ACYP2: variants seen among roughly 807,000 people sequenced by gnomAD.
ACYP2 encodes the protein acylphosphatase 2.
A neutral mutation model predicts 11.2 loss-of-function variants in ACYP2; 12 were observed. The observed-to-expected ratio is 1.08, with a 90% CI of 0.69 to 1.74. The LOEUF is 1.74. Among genes scored for constraint, ACYP2 ranks in the 40% most tolerant of loss-of-function variants. ACYP2 has a pLI of 0.00. For missense variants in ACYP2, 134 were observed against 101.9 expected (o/e 1.31, Z -1.35); for synonymous variants, 43 against 32.2 (o/e 1.33, Z -1.13).
chr2:54,099,067 C>T (rs1037981467), intron 4 of ACYP2, among the ~76,000 whole-genome samples: 6 of 152,142 alleles, frequency 3.9e-5, no homozygotes. Context: ...TTTGGTGTTC[C>T]ATCAACCAAG....
At chr2:54,265,377 G>T (rs2104059065) in intron 6 of ACYP2, among the ~76,000 whole-genome samples, 1 of 152,258 alleles carries the variant, frequency 6.6e-6, no homozygotes, top group South Asian at 2.1e-4. Context: ...CACAAGAATA[G>T]CATGGGAAAG....
intron 6 of ACYP2, among the ~76,000 whole-genome samples, chr2:54,171,231 A>C (rs1278322287): frequency 6.6e-6 from 1 of 152,198 alleles, no homozygotes; most frequent in East Asian, 1.9e-4. Context: ...TCTGCTGTCC[A>C]GCCCCAAATA....
At position 54,304,733 on chromosome 2, in the gene ACYP2, C is replaced by G. The variant is rs761460056; in HGVS notation, c.450C>G (p.Asp150Glu). Residue 150 changes from aspartate to glutamate, a missense_variant, in exon 7 of 7, where the codon GAC becomes GAG. Physicochemically the swap from Asp to Glu is conservative, Grantham distance 45. Transcript: ENST00000607452. Reference sequence around the variant, plus strand: ...TTGGAAGCCCTAGTTCTCGCATTGACCGCACAAACTTTTCTAATGAAAAAA... The same window carrying G: ...TTGGAAGCCCTAGTTCTCGCATTGAGCGCACAAACTTTTCTAATGAAAAAA... 1 of 1,612,024 alleles carries G rather than the reference C, an allele frequency of 6.2e-7. No individual in the cohort carries two copies. Among genetic ancestry groups the G allele is most frequent in the African/African-American group, 1.3e-5 (1 of 74,786 alleles).
At chr2:54,196,060 A>T (rs1684466479) in intron 6 of ACYP2, among the ~76,000 whole-genome samples, 1 of 152,036 alleles carries the variant, frequency 6.6e-6, no homozygotes, top group Non-Finnish European at 1.5e-5. Context: ...GGCCTCCCAA[A>T]GTGCTGGGAT....
rs576299833 is a variant in ACYP2, at chr2:54,167,537, A to T, written c.404+28789A>T. The stretch of plus-strand genomic sequence containing the variant: ...TATCACAAATGTTATATAGATACAG[A>T]TTTTTTTTTCTGATTTGGATAAATT... On this transcript the variant is annotated intron_variant, in intron 6 of 6. Transcript: ENST00000607452. 1.8e-4 allele frequency among the ~76,000 whole-genome samples: 28 copies of T among 151,878 alleles called. No individual in the cohort carries two copies. In the East Asian group the frequency reaches 5.2e-3, roughly 28 times the overall value.
chr2:54,156,569 C>G (rs1397745730), intron 6 of ACYP2, among the ~76,000 whole-genome samples: 2 of 152,196 alleles, frequency 1.3e-5, no homozygotes, highest in Non-Finnish European at 2.9e-5. Context: ...CAGGTCCATC[C>G]ACGTCCCTGC....
intron 6 of ACYP2, among the ~76,000 whole-genome samples, chr2:54,267,841 C>T (rs1053153014): frequency 1.3e-5 from 2 of 152,158 alleles, no homozygotes; most frequent in Admixed American, 1.3e-4. Context: ...AGGTTCAGAG[C>T]TATCTTCCTA....
rs139232153 is a variant in ACYP2, at chr2:54,146,699, T to A, written c.404+7951T>A. On this transcript the variant is annotated intron_variant, in intron 6 of 6. Transcript: ENST00000607452. Reference sequence around the variant, plus strand: ...GCTGCTCTATCTTAATTGTTTCTCTTTCATAGCATCTCATTCTTGTTGTTG... The same window carrying A: ...GCTGCTCTATCTTAATTGTTTCTCTATCATAGCATCTCATTCTTGTTGTTG... 1.6e-3 allele frequency among the ~76,000 whole-genome samples: 237 copies of A among 152,280 alleles called. 4 individuals carry two copies. The highest frequency in any genetic ancestry group is 5.5e-3 in the African/African-American group (227 of 41,550).
At chr2:54,284,949 C>T (rs556989951) in intron 6 of ACYP2, among the ~76,000 whole-genome samples, 187 of 152,302 alleles carry the variant, frequency 1.2e-3, no homozygotes, top group African/African-American at 4.4e-3. Context: ...TTTCTTCAGG[C>T]TGCTGTAACA....
At chr2:54,207,173 A>ATATGTG (rs1685108257) in intron 6 of ACYP2, among the ~76,000 whole-genome samples, 18 of 138,722 alleles carry the variant, frequency 1.3e-4, no homozygotes, top group African/African-American at 4.8e-4. Context: ...CAACATGTAT[A>ATATGTG]TGTGTGTGTG....
intron 2 of ACYP2, among the ~76,000 whole-genome samples, chr2:54,036,283 C>T (rs901132588): frequency 6.6e-6 from 1 of 152,112 alleles, no homozygotes; most frequent in Non-Finnish European, 1.5e-5. Context: ...TTAGTAGAGA[C>T]GGGGTTTCAC....
chr2:54,115,138 G>C (rs1260905585), intron 4 of ACYP2, among the ~76,000 whole-genome samples: 2 of 152,112 alleles, frequency 1.3e-5, no homozygotes, highest in African/African-American at 2.4e-5. Context: ...TGGTGACTGC[G>C]ATAAATGTAT....
intron 2 of ACYP2, among the ~76,000 whole-genome samples, chr2:53,990,707 G>C (rs1672248552): frequency 1.3e-5 from 2 of 149,774 alleles, no homozygotes; most frequent in Middle Eastern, 3.5e-3. Flanking sequence ...CAGCAAATTA[G>C]CATAAAGCAG....
Position 54,304,676 on chromosome 2 carries a change from G to GC in ACYP2, c.405-12_405-11insC, listed in dbSNP as rs1558681490. 2 of 1,588,772 alleles carry GC rather than the reference G, an allele frequency of 1.3e-6. No individual in the cohort carries two copies. Among genetic ancestry groups the GC allele is most frequent in the African/African-American group, 2.7e-5 (2 of 74,014 alleles). On this transcript the variant is annotated splice_polypyrimidine_tract_variant and intron_variant, in intron 6 of 6. Transcript: ENST00000607452. ...GTATGCTAATTTTATTTATTTATCT[G>GC]TTTTTTTATAGGAAGTCCTGGCTGA... is the stretch of plus-strand genomic sequence containing the variant.
At chr2:54,031,047 A>G (rs566369831) in intron 2 of ACYP2, among the ~76,000 whole-genome samples, 1 of 152,334 alleles carries the variant, frequency 6.6e-6, no homozygotes, top group Non-Finnish European at 1.5e-5. Context: ...ACAATGTGAC[A>G]TGTGCTATAA....
Position 54,062,031 on chromosome 2 carries a change from G to C in ACYP2, c.277+4671G>C, listed in dbSNP as rs543087854. Among the ~76,000 whole-genome samples the C allele has an allele frequency of 5.7e-4, 87 of 152,130 alleles. 3 individuals are homozygous for C. Among genetic ancestry groups the C allele is most frequent in the Non-Finnish European group, 1.5e-4 (10 of 68,030 alleles). Reference sequence around the variant, plus strand: ...TTATATTGGCTTTAAAGTGTTTTGCGTAAGTTGCATTGCCTCTGAATTCCA... The same window carrying C: ...TTATATTGGCTTTAAAGTGTTTTGCCTAAGTTGCATTGCCTCTGAATTCCA... On this transcript the variant is annotated intron_variant, in intron 4 of 6. Transcript: ENST00000607452.
chr2:54,167,369 C>T (rs979816542), intron 6 of ACYP2, among the ~76,000 whole-genome samples: 1 of 152,162 alleles, frequency 6.6e-6, no homozygotes, highest in African/African-American at 2.4e-5. Context: ...TCCTCTGATA[C>T]ATTTATAATC....
At chr2:54,012,231 G>A (rs1194632172) in intron 2 of ACYP2, among the ~76,000 whole-genome samples, 4 of 147,386 alleles carry the variant, frequency 2.7e-5, no homozygotes, top group African/African-American at 5.0e-5. Flanking sequence ...GCGAGACTCC[G>A]TCTCAAAAAA....
At chr2:54,128,415 C>A (rs1055610709) in intron 4 of ACYP2, among the ~76,000 whole-genome samples, 1 of 151,910 alleles carries the variant, frequency 6.6e-6, no homozygotes, top group Non-Finnish European at 1.5e-5. Flanking sequence ...TGCTTGTAAT[C>A]CCAGTGCTTT....
Sources: allele counts gnomAD v4.1 joint callset (sites outside exome capture counted in the v4.1 genomes callset), GRCh38; gene constraint gnomAD v4.1.1; transcripts MANE v1.5; gene names NCBI Gene and HGNC (gene_info 2026-07-23, HGNC 2026-07-21).